Variants in CDC42BPA observed in about 807,000 individuals in gnomAD.
CDC42BPA encodes CDC42 binding protein kinase alpha, also known as serine/threonine-protein kinase MRCK alpha.
Under a neutral mutation model 223.5 loss-of-function variants are expected in CDC42BPA, and 80 were observed. The observed-to-expected ratio is 0.36, with a 90% confidence interval of 0.30 to 0.43. The LOEUF (loss-of-function observed/expected upper bound fraction) is 0.43. Among genes scored for constraint, CDC42BPA ranks in the 20% least tolerant of loss-of-function variants. CDC42BPA has a pLI of 1.00. For synonymous variants in CDC42BPA, 694 were observed against 718.6 expected, an observed-to-expected ratio of 0.97 and a Z score of 0.55; for missense variants, 1,743 against 2,099.9, an observed-to-expected ratio of 0.83 and a Z score of 3.32.
At chr1:227,179,922 T>G (rs1667655877) in intron 5 of CDC42BPA, among the ~76,000 whole-genome samples, 1 of 152,122 alleles carries the variant, frequency 6.6e-6, no homozygotes, top group African/African-American at 2.4e-5. Flanking sequence ...TAAAACTGCC[T>G]TTGGACAGGA....
At chr1:227,031,991 A>G (rs1472919710) in intron 27 of CDC42BPA, among the ~76,000 whole-genome samples, 3 of 152,222 alleles carry the variant, frequency 2.0e-5, no homozygotes, top group Non-Finnish European at 2.9e-5. Context: ...ACATACAACT[A>G]CAAGTCTGGG....
chr1:227,064,995 G>C (rs1036295746), intron 21 of CDC42BPA, among the ~76,000 whole-genome samples: 1 of 152,038 alleles, frequency 6.6e-6, no homozygotes, highest in Non-Finnish European at 1.5e-5. Flanking sequence ...TACTCGGGAG[G>C]CTGAGGCAGG....
rs1188594937 is a variant in CDC42BPA at position 227,028,786 on chromosome 1, T to C, written c.4303A>G (p.Ile1435Val). Residue 1435 changes from isoleucine to valine, a missense_variant, in exon 30 of 37, where the codon ATC (isoleucine) becomes GTC (valine). By Grantham distance (29) the Ile-to-Val change is conservative (BLOSUM62 3). This residue lies in a region of CDC42BPA where 678 missense variants were observed against 777.5 expected (regional missense o/e 0.87). Coordinates refer to ENST00000366766, the MANE Select transcript of CDC42BPA (RefSeq NM_001394014.1). ...TTACTGGAGATCTCAACTGCGCAGA[T>C]AGCATCCATTGGTTGATGTGCAATA... The part of the protein sequence containing the change: ...SFIAHQPMDA[I>V]CAVEISSKEY... 5.6e-6 allele frequency: 9 copies of C among 1,613,888 alleles called. No homozygotes were observed. The highest frequency in any genetic ancestry group is 5.3e-5 in the African/African-American group (4 of 74,928).
At chr1:227,140,948 C>T (rs6702869) in intron 9 of CDC42BPA, among the ~76,000 whole-genome samples, 141,645 of 152,170 alleles carry the variant, frequency 0.93, 66,118 homozygotes, top group South Asian at 0.98. Context: ...TATTAACAAG[C>T]CAGGGAAATC....
At chr1:227,227,087 T>A (rs1256850970) in intron 2 of CDC42BPA, among the ~76,000 whole-genome samples, 1 of 152,038 alleles carries the variant, frequency 6.6e-6, no homozygotes, top group Non-Finnish European at 1.5e-5. Context: ...ACTAAAAAAG[T>A]ATAAAATAAA....
chr1:227,005,074 C>A lies in CDC42BPA; in HGVS notation c.4895G>T (p.Gly1632Val). The A allele has an allele frequency of 6.2e-7, 1 of 1,614,094 alleles. No homozygotes were observed. The highest frequency in any genetic ancestry group is 8.5e-7 in the Non-Finnish European group (1 of 1,179,956). ...RPQESRTVFS[G>V]SVSIPSITKS... The stretch of plus-strand genomic sequence containing the variant: ...GGTGATAGATGGAATACTGACTGAG[C>A]CACTGAATACTGTCCGACTTTCCTG... The change falls in exon 35 of 37, where the codon GGC (glycine) becomes GTC (valine). Residue 1632 changes from glycine to valine, a missense_variant. Gly to Val is a moderately radical substitution (Grantham distance 109). This residue lies in a region of CDC42BPA where 200 missense variants were observed against 192.8 expected (regional missense o/e 1.04). Transcript: ENST00000366766.
At chr1:227,289,775 A>T (rs906983000) in intron 1 of CDC42BPA, among the ~76,000 whole-genome samples, 2 of 152,024 alleles carry the variant, frequency 1.3e-5, no homozygotes, top group Non-Finnish European at 2.9e-5. Flanking sequence ...GGCGGAAAAT[A>T]ATTTCCAAGT....
intron 3 of CDC42BPA, among the ~76,000 whole-genome samples, chr1:227,205,682 A>G (rs1207954648): frequency 6.6e-6 from 1 of 152,206 alleles, no homozygotes; most frequent in Non-Finnish European, 1.5e-5. Flanking sequence ...CAGATAAACT[A>G]AGATATACTG....
intron 3 of CDC42BPA, among the ~76,000 whole-genome samples, chr1:227,210,249 A>C (rs551055177): frequency 1.3e-5 from 2 of 152,234 alleles, no homozygotes; most frequent in East Asian, 3.9e-4. Flanking sequence ...TAATGGGATG[A>C]CTGGGTCAAA....
At chr1:227,216,334 G>A (rs1183684022) in intron 2 of CDC42BPA, among the ~76,000 whole-genome samples, 1 of 152,160 alleles carries the variant, frequency 6.6e-6, no homozygotes, top group Non-Finnish European at 1.5e-5. Flanking sequence ...TCAAGGTATT[G>A]TGGTATAACT....
intron 3 of CDC42BPA, among the ~76,000 whole-genome samples, chr1:227,203,283 A>G (rs2150258397): frequency 6.6e-6 from 1 of 152,308 alleles, no homozygotes. Flanking sequence ...CACTGCTCTC[A>G]GTTGCTTGTC....
chr1:227,098,999 T>C (rs907183557), intron 15 of CDC42BPA, among the ~76,000 whole-genome samples: 6 of 152,122 alleles, frequency 3.9e-5, no homozygotes, highest in African/African-American at 9.7e-5. Context: ...GGGAACACTA[T>C]GTGGTGTTGA....
chr1:227,282,593 A>ATAATT (rs1688186469), intron 1 of CDC42BPA, among the ~76,000 whole-genome samples: 1 of 152,208 alleles, frequency 6.6e-6, no homozygotes, highest in African/African-American at 2.4e-5. Context: ...ATGCAGATAA[A>ATAATT]TAATTTTTCA....
intron 22 of CDC42BPA, among the ~76,000 whole-genome samples, chr1:227,050,604 TAATG>T (rs1356618022): frequency 2.0e-5 from 3 of 152,152 alleles, no homozygotes; most frequent in Non-Finnish European, 4.4e-5. Flanking sequence ...GCCACAGTTA[TAATG>T]AATGAACTAA....
intron 21 of CDC42BPA, among the ~76,000 whole-genome samples, chr1:227,062,375 A>G (rs1676092473): frequency 6.6e-6 from 1 of 152,176 alleles, no homozygotes; most frequent in African/African-American, 2.4e-5. Flanking sequence ...GCTTTTCTGG[A>G]TCCTCCTGGT....
At chr1:227,163,875 A>G (rs1215706286) in intron 5 of CDC42BPA, among the ~76,000 whole-genome samples, 1 of 152,040 alleles carries the variant, frequency 6.6e-6, no homozygotes, top group Admixed American at 6.6e-5. Context: ...CAGTTTTTAA[A>G]TCTACCGGGG....
At position 226,992,234 on chromosome 1, in the gene CDC42BPA, G is replaced by A. The variant is rs1161865222; in HGVS notation, c.*2034C>T. 1 of 152,192 alleles carries A rather than the reference G, an allele frequency of 6.6e-6. No homozygotes were observed. The highest frequency in any genetic ancestry group is 6.5e-5 in the Admixed American group (1 of 15,276). The allele number at this position is 152,192 out of a possible 1,614,324, so 9.4% of individuals were successfully genotyped here. A position where few individuals can be genotyped will look rare whatever the true frequency, so the allele number is the denominator to read the frequency against. On this transcript the variant is annotated 3_prime_UTR_variant, in exon 37 of 37. Transcript: ENST00000366766. ...AACCCTTGGTATTCAGGTGAGAAAA[G>A]TATTTTTATACTTCATTCTAAAAAG...
At chr1:227,118,341 C>G (rs1203142278) in intron 12 of CDC42BPA, among the ~76,000 whole-genome samples, 2 of 152,032 alleles carry the variant, frequency 1.3e-5, no homozygotes, top group African/African-American at 4.8e-5. Context: ...AACATCAAAA[C>G]CATAATGAGC....
chr1:227,103,764 A>T (rs537100348), intron 14 of CDC42BPA, among the ~76,000 whole-genome samples: 2 of 152,250 alleles, frequency 1.3e-5, no homozygotes, highest in South Asian at 4.1e-4. Context: ...TAGCAATAAA[A>T]TAACAAAAAT....
Sources: gnomAD v4.1 joint callset for allele counts (sites outside exome capture counted in the v4.1 genomes callset) on GRCh38, gnomAD v4.1.1 for gene constraint, gnomAD v4.1.1 regional missense constraint, MANE v1.5 for transcripts, NCBI Gene and HGNC (gene_info 2026-07-23, HGNC 2026-07-21) for gene names.